IGFL2: variants seen among roughly 807,000 people sequenced by gnomAD.
IGFL2 encodes IGF like family member 2.
A neutral mutation model predicts 13.9 loss-of-function variants in IGFL2; 7 were observed. That is an observed-to-expected ratio of 0.51 (90% CI 0.29 to 0.95). IGFL2 has a LOEUF of 0.95. Among genes scored for constraint, IGFL2 ranks in the 40% least tolerant of loss-of-function variants. IGFL2 has a pLI of 0.08. For synonymous variants in IGFL2, 55 were observed against 55.8 expected (o/e 0.99, Z 0.07); for missense variants, 138 against 147.8 (o/e 0.93, Z 0.34).
the IGFL2 span, among the ~76,000 whole-genome samples, chr19:46,099,368 C>G: frequency 3.3e-5 from 5 of 152,142 alleles, no homozygotes; most frequent in South Asian, 2.1e-4. Flanking sequence ...ATGTTGGCCT[C>G]TCTTGCTGGG....
the IGFL2 span, among the ~76,000 whole-genome samples, chr19:46,090,299 C>A: frequency 2.0e-5 from 3 of 152,142 alleles, no homozygotes; most frequent in Non-Finnish European, 4.4e-5. Flanking sequence ...TTTAAGTTTG[C>A]TGAGCTTCCT....
the IGFL2 span, among the ~76,000 whole-genome samples, chr19:46,172,742 A>G: frequency 3.3e-5 from 5 of 152,096 alleles, no homozygotes; most frequent in Admixed American, 1.3e-4. Context: ...TTTTCAGACA[A>G]GGTCTCGCTC....
the IGFL2 span, chr19:46,137,048 G>A: frequency 6.3e-7 from 1 of 1,592,096 alleles, no homozygotes. Flanking sequence ...GCAGATCACT[G>A]ATGGACGAGC....
At chr19:46,148,329 T>A in intron 1 of IGFL2, 32 bp downstream of exon 1, 1 of 1,537,312 alleles carries the variant, frequency 6.5e-7, no homozygotes, top group African/African-American at 1.4e-5. Flanking sequence ...GTTGAGCTAA[T>A]GCCTACTGTT....
At chr19:46,177,585 A>G in the IGFL2 span, among the ~76,000 whole-genome samples, 2 of 152,284 alleles carry the variant, frequency 1.3e-5, no homozygotes, top group African/African-American at 2.4e-5. Context: ...TCTTGGGGAC[A>G]TGGTCCAAGG....
the IGFL2 span, among the ~76,000 whole-genome samples, chr19:46,204,583 G>C: frequency 6.6e-6 from 1 of 152,132 alleles, no homozygotes; most frequent in South Asian, 2.1e-4. Flanking sequence ...ACAGCTCTAG[G>C]TCCACTGTCC....
the IGFL2 span, among the ~76,000 whole-genome samples, chr19:46,210,844 T>A: frequency 6.6e-6 from 1 of 152,180 alleles, no homozygotes; most frequent in African/African-American, 2.4e-5. Flanking sequence ...TGACACTCAG[T>A]ACTAACCATC....
Position 46,160,674 on chromosome 19 carries a change from A to G in IGFL2, c.134A>G (p.Tyr45Cys), listed in dbSNP as rs1353430662. The change falls in exon 3 of 4, where the codon TAC becomes TGC. Residue 45 changes from tyrosine (Y) to cysteine (C), a missense_variant. Physicochemically the swap from Tyr to Cys is radical, Grantham distance 194. Transcript: ENST00000377693. ...GCACCCAGGTGTGGAGACAAGATCT[A>G]CAACCCCTTGGAGCAGTGCTGTTAC... is the stretch of plus-strand genomic sequence containing the variant. ...QPAPRCGDKI[Y>C]NPLEQCCYND... 9 of 1,614,040 alleles carry G rather than the reference A, an allele frequency of 5.6e-6. No individual in the cohort carries two copies. The highest frequency in any genetic ancestry group is 1.6e-4 in the Middle Eastern group (1 of 6,084).
chr19:46,087,115 T>C, the IGFL2 span, among the ~76,000 whole-genome samples: 2 of 152,178 alleles, frequency 1.3e-5, no homozygotes, highest in African/African-American at 4.8e-5. Context: ...TCCAGGTCGC[T>C]TGATCAGGTA....
the IGFL2 span, chr19:46,120,252 T>G: frequency 6.3e-7 from 1 of 1,598,088 alleles, no homozygotes. Context: ...CTCTCCGAAG[T>G]TCAACTGTAG....
At chr19:46,175,021 T>G in the IGFL2 span, among the ~76,000 whole-genome samples, 1 of 152,184 alleles carries the variant, frequency 6.6e-6, no homozygotes, top group Non-Finnish European at 1.5e-5. Context: ...TATTGTGATA[T>G]TTGAAGTCTG....
At chr19:46,163,204 C>T (rs991733827), downstream of IGFL2, among the ~76,000 whole-genome samples, 7 of 152,180 alleles carry the variant, frequency 4.6e-5, no homozygotes, top group African/African-American at 1.4e-4. Context: ...AGTGTGGGTT[C>T]CTCTCCCTCT....
intron 1 of IGFL2, among the ~76,000 whole-genome samples, chr19:46,148,598 A>G (rs985813730): frequency 6.6e-6 from 1 of 152,154 alleles, no homozygotes; most frequent in African/African-American, 2.4e-5. Flanking sequence ...ACTCAGAGAC[A>G]TCATCTTGTG....
At chr19:46,078,846 T>C in the IGFL2 span, among the ~76,000 whole-genome samples, 113 of 148,940 alleles carry the variant, frequency 7.6e-4, no homozygotes, top group Non-Finnish European at 1.3e-3. Context: ...GCGTCGTCAG[T>C]AGACATCGCG....
chr19:46,110,161 G>C, the IGFL2 span, among the ~76,000 whole-genome samples: 1 of 152,214 alleles, frequency 6.6e-6, no homozygotes, highest in African/African-American at 2.4e-5. Context: ...ACGTAAACCT[G>C]AGTTATGAAC....
At chr19:46,167,461 C>T in the IGFL2 span, among the ~76,000 whole-genome samples, 1 of 152,164 alleles carries the variant, frequency 6.6e-6, no homozygotes, top group Non-Finnish European at 1.5e-5. Flanking sequence ...TTGACTTGTG[C>T]AGACCCCTAC....
the IGFL2 span, chr19:46,212,577 A>G: frequency 6.6e-6 from 1 of 152,224 alleles, no homozygotes; most frequent in Non-Finnish European, 1.5e-5. Context: ...ACCCTCTGAA[A>G]AAGCACGTTA....
chr19:46,126,283 A>G, the IGFL2 span, among the ~76,000 whole-genome samples: 2 of 152,246 alleles, frequency 1.3e-5, no homozygotes, highest in Non-Finnish European at 2.9e-5. Context: ...TTTCAACCCC[A>G]GATTGGTTCC....
chr19:46,160,333 C>A, intron 1 of IGFL2, 82 bp from the exon 2 acceptor site: 1 of 1,272,988 alleles, frequency 7.9e-7, no homozygotes, highest in South Asian at 1.3e-5. Flanking sequence ...TAAGCCTTCC[C>A]CACCCTGGCC....
Sources: gnomAD v4.1 joint callset for allele counts (sites outside exome capture counted in the v4.1 genomes callset) on GRCh38, gnomAD v4.1.1 for gene constraint, MANE v1.5 for transcripts, NCBI Gene and HGNC (gene_info 2026-07-23, HGNC 2026-07-21) for gene names.